The following SND1 variants were observed in gnomAD, a reference collection of about 807,000 sequenced individuals.
The protein encoded by SND1 is staphylococcal nuclease domain-containing protein 1.
A neutral mutation model predicts 121.7 loss-of-function variants in SND1; 38 were observed. That is an observed-to-expected ratio of 0.31 (90% CI 0.24 to 0.41). The LOEUF is 0.41. SND1 is among the 10% of genes least tolerant of loss of function. The pLI is 1.00. For missense variants in SND1, 868 were observed against 1,184.6 expected (o/e 0.73, Z 3.92); for synonymous variants, 401 against 447.4 (o/e 0.90, Z 1.31).
chr7:127,852,902 C>T (rs1009743637), intron 12 of SND1, among the ~76,000 whole-genome samples: 1 of 151,982 alleles, frequency 6.6e-6, no homozygotes, highest in African/African-American at 2.4e-5. Context: ...TATTTTGTTC[C>T]TTTTCTTTGA....
intron 15 of SND1, among the ~76,000 whole-genome samples, chr7:127,954,933 G>T (rs1022023342): frequency 1.3e-5 from 2 of 152,152 alleles, no homozygotes; most frequent in African/African-American, 4.8e-5. Context: ...CAAGCAGCAG[G>T]TTCTCTTGCT....
At chr7:127,731,427 T>C (rs1158106803) in intron 10 of SND1, among the ~76,000 whole-genome samples, 1 of 152,242 alleles carries the variant, frequency 6.6e-6, no homozygotes, top group Non-Finnish European at 1.5e-5. Flanking sequence ...TAGCTGTTCC[T>C]TTCAACGTAG....
chr7:127,729,862 A>G (rs1433858841), intron 10 of SND1, among the ~76,000 whole-genome samples: 2 of 152,222 alleles, frequency 1.3e-5, no homozygotes, highest in African/African-American at 4.8e-5. Flanking sequence ...CTACCAGATG[A>G]CAGGCCAATT....
chr7:127,770,650 C>T (rs1020950947), intron 10 of SND1, among the ~76,000 whole-genome samples: 3 of 151,998 alleles, frequency 2.0e-5, no homozygotes, highest in Non-Finnish European at 4.4e-5. Context: ...GTACTTGTAA[C>T]CACTATGCCT....
chr7:127,873,223 G>T (rs1429578402), intron 12 of SND1, among the ~76,000 whole-genome samples: 1 of 152,110 alleles, frequency 6.6e-6, no homozygotes, highest in Non-Finnish European at 1.5e-5. Flanking sequence ...AGGTGGGTTA[G>T]GGAACCTCAC....
chr7:128,031,509 C>T (rs1300225503), intron 16 of SND1: 3 of 151,634 alleles, frequency 2.0e-5, no homozygotes, highest in East Asian at 2.0e-4. Flanking sequence ...ACACACACCC[C>T]CTTTCTCCTC....
intron 12 of SND1, among the ~76,000 whole-genome samples, chr7:127,882,416 A>C (rs1799809386): frequency 1.2e-5 from 1 of 86,106 alleles, no homozygotes; most frequent in Non-Finnish European, 2.5e-5. Flanking sequence ...CGGAGGAGAA[A>C]AGAGGAGAGG....
At chr7:127,718,504 A>C (rs1796428861) in intron 9 of SND1, 3 of 916,522 alleles carry the variant, frequency 3.3e-6, no homozygotes, top group South Asian at 5.0e-5. Flanking sequence ...GCACGCATGC[A>C]CTCACCCTTC....
At chr7:127,742,689 A>G (rs17151241) in intron 10 of SND1, among the ~76,000 whole-genome samples, 49,804 of 151,942 alleles carry the variant, frequency 0.33, 9,094 homozygotes, top group Admixed American at 0.42. Context: ...TCATTTTCTA[A>G]AAGTTTAGTT....
chr7:127,676,149 C>CTCA (rs1036125909), intron 1 of SND1, among the ~76,000 whole-genome samples: 8 of 152,162 alleles, frequency 5.3e-5, no homozygotes, highest in Non-Finnish European at 7.3e-5. Context: ...CTGGGAAAAC[C>CTCA]TGTGTTCTAG....
intron 10 of SND1, among the ~76,000 whole-genome samples, chr7:127,764,038 C>CAAAAAAA (rs60053474): frequency 5.2e-5 from 4 of 76,494 alleles, no homozygotes; most frequent in South Asian, 4.1e-4. Context: ...GACCCTGTCG[C>CAAAAAAA]AAAAAAAAAA....
At chr7:127,790,183 T>A (rs1415641160) in intron 10 of SND1, among the ~76,000 whole-genome samples, 1 of 152,204 alleles carries the variant, frequency 6.6e-6, no homozygotes, top group Non-Finnish European at 1.5e-5. Flanking sequence ...CAGCAACATT[T>A]GTTTGGAGCC....
At chr7:128,077,975 T>C (rs1186759948) in intron 17 of SND1, among the ~76,000 whole-genome samples, 2 of 152,206 alleles carry the variant, frequency 1.3e-5, no homozygotes, top group African/African-American at 4.8e-5. Flanking sequence ...AAGAGGAGCA[T>C]CTACAATGGG....
chr7:127,844,509 C>A, intron 12 of SND1, 85 bp downstream of exon 12: 1 of 1,092,476 alleles, frequency 9.2e-7, no homozygotes, highest in Non-Finnish European at 1.3e-6. Context: ...CTTCCTTTCA[C>A]TCTGCTTTGC....
chr7:127,933,163 G>A (rs1321693176), intron 15 of SND1, among the ~76,000 whole-genome samples: 2 of 152,182 alleles, frequency 1.3e-5, no homozygotes, highest in East Asian at 1.9e-4. Context: ...GAATGGAGCC[G>A]GCTCAGAGCA....
At chr7:127,833,127 A>G (rs1489267439) in intron 11 of SND1, among the ~76,000 whole-genome samples, 4 of 152,168 alleles carry the variant, frequency 2.6e-5, no homozygotes, top group Non-Finnish European at 5.9e-5. Context: ...AAGGTGGCCT[A>G]AAAGGTAGAC....
intron 10 of SND1, among the ~76,000 whole-genome samples, chr7:127,747,652 A>AC (rs1797005387): frequency 6.6e-6 from 1 of 152,210 alleles, no homozygotes; most frequent in African/African-American, 2.4e-5. Context: ...ACTGAACATC[A>AC]GTGCTTTAAG....
chr7:127,970,578 G>A (rs902879293), intron 15 of SND1, among the ~76,000 whole-genome samples: 4 of 152,078 alleles, frequency 2.6e-5, no homozygotes, highest in East Asian at 1.9e-4. Flanking sequence ...TAAGTTCTGC[G>A]TGTCACAGAA....
chr7:127,653,754 A>G (rs1795164513), intron 1 of SND1, among the ~76,000 whole-genome samples: 1 of 152,176 alleles, frequency 6.6e-6, no homozygotes, highest in East Asian at 1.9e-4. Context: ...CCATGTGCTC[A>G]TTTCTTAAGG....
Sources: gnomAD v4.1 joint callset for allele counts (sites outside exome capture counted in the v4.1 genomes callset) on GRCh38, gnomAD v4.1.1 for gene constraint, MANE v1.5 for transcripts, NCBI Gene and HGNC (gene_info 2026-07-23, HGNC 2026-07-21) for gene names.